Variants in CRADD observed in about 807,000 individuals in gnomAD.
CRADD encodes CARD and death domain containing adaptor protein, also known as death domain-containing protein CRADD.
A neutral mutation model predicts 15.5 loss-of-function variants in CRADD; 9 were observed. The observed-to-expected ratio is 0.58, with a 90% CI of 0.35 to 1.01. The LOEUF is 1.01. CRADD is among the 50% of genes least tolerant of loss of function. The pLI is 0.02. For synonymous variants in CRADD, 118 were observed against 107.6 expected (o/e 1.10, Z -0.60); for missense variants, 227 against 250.3 (o/e 0.91, Z 0.63).
At chr12:93,704,833 G>A (rs940514185) in intron 2 of CRADD, among the ~76,000 whole-genome samples, 2 of 151,986 alleles carry the variant, frequency 1.3e-5, no homozygotes, top group Admixed American at 6.6e-5. Context: ...CACTCCAGTC[G>A]GCCAAGTCAG....
At chr12:93,782,355 G>A in intron 2 of CRADD, among the ~76,000 whole-genome samples, 1 of 148,604 alleles carries the variant, frequency 6.7e-6, no homozygotes, top group Non-Finnish European at 1.5e-5. Flanking sequence ...GGTTGGGGGA[G>A]GGGGGAGGGA....
intron 2 of CRADD, among the ~76,000 whole-genome samples, chr12:93,878,030 G>A (rs748861961): frequency 2.0e-5 from 3 of 152,166 alleles, no homozygotes; most frequent in Non-Finnish European, 4.4e-5. Flanking sequence ...TGTTGCTACT[G>A]GTTATTCAGG....
chr12:93,786,662 C>T (rs946462057), intron 2 of CRADD, among the ~76,000 whole-genome samples: 4 of 152,136 alleles, frequency 2.6e-5, no homozygotes, highest in Admixed American at 2.0e-4. Context: ...AAGTTTTCTA[C>T]TTGCCAGTAG....
intron 2 of CRADD, among the ~76,000 whole-genome samples, chr12:93,889,271 TG>T (rs1027076545): frequency 1.1e-4 from 16 of 152,146 alleles, no homozygotes; most frequent in African/African-American, 3.6e-4. Flanking sequence ...CCAGGGCTAG[TG>T]GGTGAGGTAC....
intron 2 of CRADD, among the ~76,000 whole-genome samples, chr12:93,864,947 C>G (rs1048837549): frequency 6.6e-6 from 1 of 152,200 alleles, no homozygotes; most frequent in African/African-American, 2.4e-5. Context: ...GTGCTTAGAA[C>G]AGTGTCAGGC....
chr12:93,793,902 T>C (rs571193585), intron 2 of CRADD, among the ~76,000 whole-genome samples: 16 of 152,264 alleles, frequency 1.1e-4, no homozygotes, highest in Middle Eastern at 3.4e-3. Flanking sequence ...AAAGGAACTC[T>C]CTGTATATCT....
At chr12:93,854,428 A>G (rs1275208322), downstream of CRADD, among the ~76,000 whole-genome samples, 1 of 152,204 alleles carries the variant, frequency 6.6e-6, no homozygotes, top group African/African-American at 2.4e-5. Flanking sequence ...AACACCTTTC[A>G]AGCCTCTGTT....
At chr12:93,728,794 G>A (rs1333846234) in intron 2 of CRADD, among the ~76,000 whole-genome samples, 2 of 151,984 alleles carry the variant, frequency 1.3e-5, no homozygotes, top group Non-Finnish European at 1.5e-5. Flanking sequence ...AACAGAAAAA[G>A]GATAATATAT....
At chr12:93,873,314 CTT>C (rs1958435585) in intron 2 of CRADD, among the ~76,000 whole-genome samples, 1 of 152,004 alleles carries the variant, frequency 6.6e-6, no homozygotes, top group Non-Finnish European at 1.5e-5. Context: ...TTTGTGGAGT[CTT>C]TAGGTTTTTC....
intron 2 of CRADD, among the ~76,000 whole-genome samples, chr12:93,890,496 G>A (rs556666017): frequency 6.6e-5 from 10 of 152,244 alleles, no homozygotes; most frequent in Admixed American, 1.3e-4. Flanking sequence ...AATAAGACAC[G>A]CTCCCGCAGT....
intron 2 of CRADD, among the ~76,000 whole-genome samples, chr12:93,777,621 T>C (rs1957154508): frequency 6.6e-6 from 1 of 152,214 alleles, no homozygotes; most frequent in African/African-American, 2.4e-5. Context: ...GAAGTGACTG[T>C]TCTTTTGGAA....
chr12:93,732,763 C>T (rs1237355767), intron 2 of CRADD, among the ~76,000 whole-genome samples: 1 of 152,144 alleles, frequency 6.6e-6, no homozygotes, highest in African/African-American at 2.4e-5. Flanking sequence ...AAAGTACAGA[C>T]CTGACAGAGT....
chr12:93,846,728 A>G (rs549720519), intron 2 of CRADD, among the ~76,000 whole-genome samples: 13 of 152,306 alleles, frequency 8.5e-5, no homozygotes, highest in African/African-American at 3.1e-4. Flanking sequence ...GCCATCCAGC[A>G]TATGGAGCAA....
intron 2 of CRADD, among the ~76,000 whole-genome samples, chr12:93,746,945 C>A (rs1437909247): frequency 6.6e-6 from 1 of 151,894 alleles, no homozygotes; most frequent in Non-Finnish European, 1.5e-5. Flanking sequence ...CTATAAATAG[C>A]CTCATGTCAG....
intron 2 of CRADD, among the ~76,000 whole-genome samples, chr12:93,848,196 A>G (rs1232695173): frequency 2.6e-5 from 4 of 151,868 alleles, no homozygotes; most frequent in East Asian, 3.9e-4. Flanking sequence ...CCGTAAAATC[A>G]TTGCTGTTAA....
In CRADD at chr12:93,687,384, G is replaced by A. The variant is rs138942866; in HGVS notation, c.298+8312G>A. Among the ~76,000 whole-genome samples the A allele has an allele frequency of 3.8e-4, 58 of 152,212 alleles. No homozygotes were observed. In the East Asian group the frequency reaches 9.1e-3, roughly 24 times the overall value. On this transcript the variant is annotated intron_variant, in intron 2 of 2. Coordinates refer to ENST00000332896, the MANE Select transcript of CRADD (RefSeq NM_003805.5). ...TTTAACTCATTGTTGCTCAGCTGTG[G>A]CTATGCTTTGGAATCACCTGGGGAG...
chr12:93,730,363 T>C (rs1002067880), intron 2 of CRADD, among the ~76,000 whole-genome samples: 20 of 152,248 alleles, frequency 1.3e-4, no homozygotes, highest in African/African-American at 4.8e-4. Context: ...GTTTTGCCTA[T>C]TAGATTGGCA....
At chr12:93,874,068 A>C (rs966521860) in intron 2 of CRADD, among the ~76,000 whole-genome samples, 2 of 152,008 alleles carry the variant, frequency 1.3e-5, no homozygotes, top group African/African-American at 4.8e-5. Context: ...TGAAGCCATT[A>C]GGTCCTGGGC....
At chr12:93,847,785 T>A (rs915218130) in intron 2 of CRADD, among the ~76,000 whole-genome samples, 40 of 152,190 alleles carry the variant, frequency 2.6e-4, no homozygotes, top group Admixed American at 2.6e-3. Flanking sequence ...GGAGAGGAAA[T>A]GTAAAGTAAT....
Sources: allele counts gnomAD v4.1 joint callset (sites outside exome capture counted in the v4.1 genomes callset), GRCh38; gene constraint gnomAD v4.1.1; transcripts MANE v1.5; gene names NCBI Gene and HGNC (gene_info 2026-07-23, HGNC 2026-07-21).